The following CSMD1 variants were observed in gnomAD, a reference collection of about 807,000 sequenced individuals.
The protein encoded by CSMD1 is CUB and sushi domain-containing protein 1.
CSMD1 carries 213 observed loss-of-function variants against 417.5 expected under a neutral mutation model. The observed-to-expected ratio is 0.51, with a 90% CI of 0.46 to 0.57. The LOEUF (loss-of-function observed/expected upper bound fraction) is 0.57, where lower values mean the gene tolerates loss of function less well. Ranked by LOEUF, CSMD1 falls within the 20% of genes least tolerant of loss-of-function variation. The pLI is 0.00. For synonymous variants in CSMD1, 2,862 were observed against 1,736.8 expected (o/e 1.65, Z -16.11); for missense variants, 6,923 against 4,529.7 (o/e 1.53, Z -15.17).
chr8:3,599,817 A>G (rs2117072729), intron 8 of CSMD1, among the ~76,000 whole-genome samples: 1 of 152,270 alleles, frequency 6.6e-6, no homozygotes, highest in South Asian at 2.1e-4. Context: ...TCTTTCATCA[A>G]AATCTGCTGG....
At chr8:3,641,807 T>C (rs1225319369) in intron 7 of CSMD1, among the ~76,000 whole-genome samples, 1 of 152,232 alleles carries the variant, frequency 6.6e-6, no homozygotes, top group Non-Finnish European at 1.5e-5. Context: ...CCATCTGTTG[T>C]GACCTTTGTC....
intron 12 of CSMD1, among the ~76,000 whole-genome samples, chr8:3,449,010 G>T (rs935250131): frequency 2.0e-5 from 3 of 152,136 alleles, no homozygotes; most frequent in Non-Finnish European, 4.4e-5. Flanking sequence ...AATCAAACAC[G>T]TATTAGTAGG....
chr8:3,295,337 A>T (rs1235215268), intron 25 of CSMD1, among the ~76,000 whole-genome samples: 1 of 151,994 alleles, frequency 6.6e-6, no homozygotes, highest in Non-Finnish European at 1.5e-5. Flanking sequence ...TGTGTTAGCC[A>T]GGAAGGTCTC....
chr8:4,024,718 G>A (rs992288788), intron 4 of CSMD1, among the ~76,000 whole-genome samples: 4 of 152,132 alleles, frequency 2.6e-5, no homozygotes, highest in Admixed American at 1.3e-4. Context: ...TGGTTCATTG[G>A]AGTTGCACAT....
At chr8:3,050,047 G>A (rs1282189655) in intron 50 of CSMD1, among the ~76,000 whole-genome samples, 5 of 151,448 alleles carry the variant, frequency 3.3e-5, no homozygotes, top group Non-Finnish European at 2.9e-5. Flanking sequence ...ATTTAAAGTG[G>A]GTTTTCCTTT....
chr8:3,509,036 G>A (rs539704845), intron 10 of CSMD1, among the ~76,000 whole-genome samples: 20 of 152,274 alleles, frequency 1.3e-4, no homozygotes, highest in African/African-American at 3.8e-4. Flanking sequence ...CTGACCTTGG[G>A]CAAGACACTG....
At chr8:4,415,750 C>T (rs1416905758) in intron 3 of CSMD1, among the ~76,000 whole-genome samples, 1 of 152,196 alleles carries the variant, frequency 6.6e-6, no homozygotes, top group Admixed American at 6.5e-5. Context: ...TCCACTTACA[C>T]TTGTGCACGT....
At chr8:4,286,126 G>A (rs28431410) in intron 3 of CSMD1, among the ~76,000 whole-genome samples, 2,539 of 151,962 alleles carry the variant, frequency 0.017, 61 homozygotes, top group African/African-American at 0.057. Context: ...AACGATATGC[G>A]CACATAACGT....
At chr8:3,606,835 C>T (rs1001696523) in intron 8 of CSMD1, among the ~76,000 whole-genome samples, 1 of 151,808 alleles carries the variant, frequency 6.6e-6, no homozygotes, top group Non-Finnish European at 1.5e-5. Flanking sequence ...CTCAGCCTCC[C>T]AAGAAGCTGG....
At chr8:3,698,399 T>C (rs1373902699) in intron 7 of CSMD1, among the ~76,000 whole-genome samples, 2 of 152,176 alleles carry the variant, frequency 1.3e-5, no homozygotes, top group Non-Finnish European at 2.9e-5. Flanking sequence ...TTAGAGCAAT[T>C]CTCCTTCTTG....
At chr8:3,786,123 G>A (rs993770908) in intron 5 of CSMD1, among the ~76,000 whole-genome samples, 1 of 152,144 alleles carries the variant, frequency 6.6e-6, no homozygotes, top group Non-Finnish European at 1.5e-5. Flanking sequence ...ATCAAATAGA[G>A]GTGAGGCTGC....
Position 3,075,108 on chromosome 8 carries a change from G to A in CSMD1, c.7474+11989C>T, listed in dbSNP as rs1483901863. Among the ~76,000 whole-genome samples, 4 of 152,198 alleles carry A rather than the reference G, an allele frequency of 2.6e-5. No homozygotes were observed. The East Asian group carries it at 5.8e-4, about 22-fold the overall frequency. ...CTTGCTCCTACTTTTGCTAGGCGAT[G>A]TGCCTGATCCCCCTTCACCTTCTGC... On this transcript the variant is annotated intron_variant, in intron 49 of 69. Transcript: ENST00000635120.
chr8:3,641,244 T>A (rs1412431771), intron 7 of CSMD1, among the ~76,000 whole-genome samples: 1 of 152,046 alleles, frequency 6.6e-6, no homozygotes, highest in African/African-American at 2.4e-5. Context: ...CTGTGACTCA[T>A]GGGTCCCTGA....
chr8:2,963,142 G>C, intron 60 of CSMD1, 80 bp downstream of exon 60: 2 of 1,474,656 alleles, frequency 1.4e-6, no homozygotes, highest in Non-Finnish European at 1.9e-6. Context: ...TCCTCAGATT[G>C]TAACCTTAGG....
chr8:4,699,808 T>A (rs1278751515), intron 1 of CSMD1, among the ~76,000 whole-genome samples: 1 of 152,170 alleles, frequency 6.6e-6, no homozygotes, highest in East Asian at 1.9e-4. Context: ...ACCTAAAGAA[T>A]GAACAGGTCT....
chr8:4,396,049 A>T (rs926125384), intron 3 of CSMD1, among the ~76,000 whole-genome samples: 1 of 152,176 alleles, frequency 6.6e-6, no homozygotes, highest in African/African-American at 2.4e-5. Context: ...AGCTAGCTAT[A>T]ATGTTGGCAT....
chr8:3,738,866 G>A (rs1451595124), intron 6 of CSMD1, among the ~76,000 whole-genome samples: 1 of 152,138 alleles, frequency 6.6e-6, no homozygotes, highest in African/African-American at 2.4e-5. Flanking sequence ...TTACTTATTA[G>A]GGCATTCATA....
intron 3 of CSMD1, among the ~76,000 whole-genome samples, chr8:4,382,816 A>G (rs774267712): frequency 9.9e-5 from 15 of 152,230 alleles, no homozygotes; most frequent in East Asian, 1.9e-4. Flanking sequence ...CATTAAACCA[A>G]TATCATTACA....
At chr8:4,811,164 C>A (rs918015632) in intron 1 of CSMD1, among the ~76,000 whole-genome samples, 1 of 152,120 alleles carries the variant, frequency 6.6e-6, no homozygotes, top group African/African-American at 2.4e-5. Context: ...GTGGCATCAA[C>A]CATCACTGCT....
Sources: gnomAD v4.1 joint callset for allele counts (sites outside exome capture counted in the v4.1 genomes callset) on GRCh38, gnomAD v4.1.1 for gene constraint, MANE v1.5 for transcripts, NCBI Gene and HGNC (gene_info 2026-07-23, HGNC 2026-07-21) for gene names.